The following PNLDC1 variants were observed in gnomAD, a reference collection of about 807,000 sequenced individuals.
PNLDC1 encodes the protein poly(A)-specific ribonuclease PNLDC1.
Under a neutral mutation model 82.0 loss-of-function variants are expected in PNLDC1, and 70 were observed. The observed-to-expected ratio is 0.85, with a 90% CI of 0.70 to 1.04. PNLDC1 has a LOEUF of 1.04. Ranked by LOEUF, PNLDC1 falls within the 50% of genes least tolerant of loss-of-function variation. The probability of loss-of-function intolerance (pLI) is 0.00; values close to 1 mark genes in which losing one functional copy is unlikely to be tolerated. For missense variants in PNLDC1, 631 were observed against 661.1 expected, an observed-to-expected ratio of 0.95 and a Z score of 0.50; for synonymous variants, 280 against 249.3, an observed-to-expected ratio of 1.12 and a Z score of -1.16.
At chr6:159,812,534 T>A (rs958064318) in intron 11 of PNLDC1, among the ~76,000 whole-genome samples, 1 of 152,148 alleles carries the variant, frequency 6.6e-6, no homozygotes, top group Non-Finnish European at 1.5e-5. Context: ...GGGTTCTCAG[T>A]CCTGAAAACA....
At position 159,808,701 on chromosome 6, in the gene PNLDC1, G is replaced by A. The variant is rs1164951716; in HGVS notation, c.563-39G>A. The stretch of plus-strand genomic sequence containing the variant: ...TCTCTTGTGGGGAACATGCCACACG[G>A]TTCCAGGTGCTGTGTGCCCCTGTGT... On this transcript the variant is annotated intron_variant, in intron 7 of 18. Transcript: ENST00000392167. 3 of 1,574,090 alleles carry A rather than the reference G, an allele frequency of 1.9e-6. No homozygotes were observed. The Admixed American group carries it at 5.1e-5, about 27-fold the overall frequency.
In PNLDC1 at chr6:159,803,473, C is replaced by T. The variant is rs564233464; in HGVS notation, c.248+163C>T. On this transcript the variant is annotated intron_variant, in intron 4 of 18. Coordinates refer to ENST00000392167, the MANE Select transcript of PNLDC1 (RefSeq NM_001271862.2). ...TCACTCTGCCCTCTGCGGATTCCAGCTTGTCTTTGATGTCTCTCTGGAAGC... is the reference window on the plus strand; with the variant it reads ...TCACTCTGCCCTCTGCGGATTCCAGTTTGTCTTTGATGTCTCTCTGGAAGC... 1.3e-4 allele frequency: 86 copies of T among 642,520 alleles called. No homozygotes were observed. The African/African-American group carries it at 1.5e-3, about 11-fold the overall frequency. The allele number at this position is 642,520 out of a possible 1,614,324, so 39.8% of individuals were successfully genotyped here.
At chr6:159,801,052 A>G (rs1781232925) in intron 2 of PNLDC1, 61 bp from the exon 3 acceptor site, 2 of 1,569,522 alleles carry the variant, frequency 1.3e-6, no homozygotes, top group Non-Finnish European at 8.8e-7. Context: ...CCTGCCGCGG[A>G]GGCCATAGTG....
intron 3 of PNLDC1, among the ~76,000 whole-genome samples, chr6:159,802,487 G>A (rs1009878816): frequency 6.7e-6 from 1 of 148,796 alleles, no homozygotes; most frequent in African/African-American, 2.5e-5. Flanking sequence ...TTCTGTTATG[G>A]TTTTTTTTTT....
rs944853856 is a variant in PNLDC1, at chr6:159,812,949, G to A, written c.940-652G>A. Among the ~76,000 whole-genome samples, 8 of 152,248 alleles carry A rather than the reference G, an allele frequency of 5.3e-5. No individual in the cohort carries two copies. The East Asian group carries it at 1.4e-3, about 26-fold the overall frequency. ...TAAGTGGGAGGATCACTTAAAGCCC[G>A]GGAAGTGGAGATTGCAGTGAGCCGA... On this transcript the variant is annotated intron_variant, in intron 11 of 18. Transcript: ENST00000392167.
At chr6:159,804,836 A>G (rs1050100161) in intron 6 of PNLDC1, among the ~76,000 whole-genome samples, 199 bp downstream of exon 6, 5 of 151,900 alleles carry the variant, frequency 3.3e-5, no homozygotes, top group Non-Finnish European at 4.4e-5. Context: ...ATCATGTTCC[A>G]CTCCCTAATG....
Position 159,813,664 on chromosome 6 carries a change from C to T in PNLDC1, c.995+8C>T, listed in dbSNP as rs200417286. 1.8e-4 allele frequency: 288 copies of T among 1,613,162 alleles called. 2 individuals carry two copies. The East Asian group carries it at 5.7e-3, about 32-fold the overall frequency. On this transcript the variant is annotated splice_region_variant and intron_variant, in intron 12 of 18. Transcript: ENST00000392167. ...CTATGAAGTCCTGAACAGGTGAGGA[C>T]GGCGATTCCTGGAGCTACTGCTGGA...
At chr6:159,811,662 A>C in intron 10 of PNLDC1, 39 bp from the exon 11 acceptor site, 1 of 1,556,314 alleles carries the variant, frequency 6.4e-7, no homozygotes, top group Non-Finnish European at 8.9e-7. Context: ...TTTGCCAACA[A>C]ACAAATTCAC....
At chr6:159,801,092 G>T in intron 2 of PNLDC1, 21 bp from the exon 3 acceptor site, 1 of 1,613,566 alleles carries the variant, frequency 6.2e-7, no homozygotes, top group African/African-American at 1.3e-5. Flanking sequence ...CTCGTGGAAT[G>T]AGATGCCTGT....
chr6:159,820,354 T>TCTGAGTGCA (rs1264882346), intron 18 of PNLDC1, 100 bp from the exon 19 acceptor site: 2 of 1,122,652 alleles, frequency 1.8e-6, no homozygotes, highest in African/African-American at 3.1e-5. Flanking sequence ...AGAAAGAACA[T>TCTGAGTGCA]CTGAGTGCAC....
At chr6:159,799,777 T>A (rs1447706679), upstream of PNLDC1, among the ~76,000 whole-genome samples, 1 of 151,740 alleles carries the variant, frequency 6.6e-6, no homozygotes, top group Non-Finnish European at 1.5e-5. Context: ...GTGAAGACAG[T>A]GGTAAGGTGG....
intron 6 of PNLDC1, 73 bp from the exon 7 acceptor site, chr6:159,805,910 C>T: frequency 9.1e-7 from 1 of 1,102,900 alleles, no homozygotes; most frequent in Non-Finnish European, 1.4e-6. Flanking sequence ...AGAAACTGCT[C>T]TCATGTTAAC....
rs768557857 is a variant in PNLDC1, at chr6:159,806,102, TC to T, written c.562+22del. The T allele has an allele frequency of 6.3e-7, 1 of 1,589,126 alleles. No homozygotes were observed. The highest frequency in any genetic ancestry group is 1.7e-4 in the Middle Eastern group (1 of 6,016). ...ATCACTGGTAGGCAGGGCCTGTTCC[TC>T]CCAACGCAGGAGCATTGGGACAGGT... On this transcript the variant is annotated intron_variant, in intron 7 of 18. Transcript: ENST00000392167.
chr6:159,807,844 A>G (rs1781503880), intron 7 of PNLDC1, among the ~76,000 whole-genome samples: 1 of 152,190 alleles, frequency 6.6e-6, no homozygotes, highest in Non-Finnish European at 1.5e-5. Context: ...AAGAATATCC[A>G]AAGTCATTTG....
Position 159,819,018 on chromosome 6 carries a change from G to T in PNLDC1, c.1330G>T (p.Val444Phe), listed in dbSNP as rs1241878995. ...LILSVKRWPG[V>F]SEQQVYHKFQ... is the part of the protein sequence containing the mutation. The stretch of plus-strand genomic sequence containing the variant: ...CCTCAGCGTCAAAAGGTGGCCTGGG[G>T]TCAGCGAGCAGCAAGTCTACCATAA... Residue 444 changes from valine to phenylalanine, a missense_variant, in exon 17 of 19, where the codon GTC becomes TTC. By Grantham distance (50) the Val-to-Phe change is conservative. Coordinates refer to ENST00000392167, the MANE Select transcript of PNLDC1 (RefSeq NM_001271862.2). The surrounding 1 kb of genome is among the most constrained non-coding windows in gnomAD (Gnocchi z 4.6). 8 of 1,614,032 alleles carry T rather than the reference G, an allele frequency of 5.0e-6. No homozygotes were observed. In the South Asian group the frequency reaches 7.7e-5, roughly 16 times the overall value.
intron 16 of PNLDC1, 109 bp from the exon 17 acceptor site, chr6:159,818,837 C>A: frequency 7.5e-7 from 1 of 1,336,748 alleles, no homozygotes; most frequent in Non-Finnish European, 1.0e-6. Context: ...CCTTCTCTTC[C>A]CCTCCCTGCC....
chr6:159,801,843 G>A (rs183533527), intron 3 of PNLDC1, among the ~76,000 whole-genome samples: 10 of 151,552 alleles, frequency 6.6e-5, no homozygotes, highest in Admixed American at 6.6e-4. Flanking sequence ...GATGGGATTT[G>A]GAGATCTTTC....
At position 159,819,029 on chromosome 6, in the gene PNLDC1, G is replaced by T. The variant is rs1337648646; in HGVS notation, c.1341G>T (p.Gln447His). The change falls in exon 17 of 19, where the codon CAG becomes CAT. Residue 447 changes from glutamine (Q) to histidine (H), a missense_variant. By Grantham distance (24) the Gln-to-His change is conservative. Coordinates refer to ENST00000392167, the MANE Select transcript of PNLDC1 (RefSeq NM_001271862.2). The surrounding 1 kb of genome is among the most constrained non-coding windows in gnomAD (Gnocchi z 4.6). ...AAAGGTGGCCTGGGGTCAGCGAGCA[G>T]CAAGTCTACCATAAGTTTCAGAATC... ...SVKRWPGVSE[Q>H]QVYHKFQNLC... 1 of 1,613,926 alleles carries T rather than the reference G, an allele frequency of 6.2e-7. No homozygotes were observed. Among genetic ancestry groups the T allele is most frequent in the Non-Finnish European group, 8.5e-7 (1 of 1,180,000 alleles).
At chr6:159,800,739 C>T (rs377171718) in intron 1 of PNLDC1, 33 bp from the exon 2 acceptor site, 27 of 1,614,108 alleles carry the variant, frequency 1.7e-5, no homozygotes, top group Non-Finnish European at 2.3e-5. Flanking sequence ...ATGTTCTGCA[C>T]CCGAGGACTG....
Sources: allele counts gnomAD v4.1 joint callset (sites outside exome capture counted in the v4.1 genomes callset), GRCh38; gene constraint gnomAD v4.1.1; non-coding constraint Gnocchi (gnomAD v3.1); transcripts MANE v1.5; gene names NCBI Gene and HGNC (gene_info 2026-07-23, HGNC 2026-07-21).